Variants in PPARG observed in about 807,000 individuals in gnomAD.
The protein encoded by PPARG is peroxisome proliferator activated receptor gamma, also known as peroxisome proliferator-activated receptor gamma.
PPARG carries 17 observed loss-of-function variants against 39.2 expected under a neutral mutation model. That is an observed-to-expected ratio of 0.43 (90% CI 0.30 to 0.65). The LOEUF is 0.65. Among genes scored for constraint, PPARG ranks in the 30% least tolerant of loss-of-function variants. The pLI, the probability that PPARG is intolerant of heterozygous loss-of-function variation, is 0.13. For missense variants in PPARG, 406 were observed against 585.9 expected (o/e 0.69, Z 3.17); for synonymous variants, 223 against 215.7 (o/e 1.03, Z -0.30).
intron 7 of PPARG, among the ~76,000 whole-genome samples, chr3:12,421,392 G>T (rs1553651430): frequency 6.6e-6 from 1 of 152,210 alleles, no homozygotes; most frequent in Non-Finnish European, 1.5e-5. Context: ...GCAAAGCCAT[G>T]TTTGCAACTG....
At chr3:12,291,853 C>G (rs1236120226) in intron 1 of PPARG, among the ~76,000 whole-genome samples, 1 of 152,198 alleles carries the variant, frequency 6.6e-6, no homozygotes, top group Non-Finnish European at 1.5e-5. Flanking sequence ...CTTATCCTTT[C>G]TCTCAATTTT....
At chr3:12,308,690 C>A (rs1010554667) in intron 1 of PPARG, among the ~76,000 whole-genome samples, 4 of 152,044 alleles carry the variant, frequency 2.6e-5, no homozygotes, top group Non-Finnish European at 4.4e-5. Flanking sequence ...GCTTTTAAAT[C>A]AGTCATGGTG....
In PPARG at chr3:12,406,049, G is replaced by A. The variant is rs2050652162; in HGVS notation, c.697G>A (p.Ala233Thr). The A allele has an allele frequency of 1.2e-6, 2 of 1,614,164 alleles. No individual in the cohort carries two copies. The highest frequency in any genetic ancestry group is 1.1e-5 in the South Asian group (1 of 91,082). ...SFPLTKAKARAILTGKTTDKS... is the reference protein window; with the variant it reads ...SFPLTKAKARTILTGKTTDKS... The stretch of plus-strand genomic sequence containing the variant: ...CCCGCTGACCAAAGCAAAGGCGAGG[G>A]CGATCTTGACAGGAAAGACAACAGA... Residue 233 changes from alanine (A) to threonine (T), a missense_variant, in exon 6 of 8, where the codon GCG becomes ACG. Physicochemically the swap from Ala to Thr is moderately conservative, Grantham distance 58. This residue lies in a region of PPARG where 275 missense variants were observed against 458.0 expected (regional missense o/e 0.60). Coordinates refer to ENST00000651735, the MANE Select transcript of PPARG (RefSeq NM_138711.6).
intron 2 of PPARG, among the ~76,000 whole-genome samples, chr3:12,357,670 A>C (rs1158643325): frequency 1.3e-5 from 2 of 152,188 alleles, no homozygotes; most frequent in Admixed American, 6.5e-5. Context: ...GAAGGCAGAG[A>C]TCTTTGTCTA....
chr3:12,367,614 T>C (rs1347597097), intron 2 of PPARG, among the ~76,000 whole-genome samples: 1 of 151,552 alleles, frequency 6.6e-6, no homozygotes, highest in East Asian at 1.9e-4. Flanking sequence ...TTTGGGAGGC[T>C]GAGGCGGGAG....
intron 6 of PPARG, among the ~76,000 whole-genome samples, chr3:12,411,788 C>A (rs1452241301): frequency 7.3e-6 from 1 of 137,358 alleles, no homozygotes; most frequent in African/African-American, 2.5e-5. Context: ...GGGGCAGAAA[C>A]CAACGAGAGG....
intron 3 of PPARG, 81 bp downstream of exon 3, chr3:12,380,012 TC>T: frequency 8.3e-7 from 1 of 1,198,302 alleles, no homozygotes; most frequent in Non-Finnish European, 1.2e-6. Context: ...TAAATAATGC[TC>T]CAGAGACTAG....
chr3:12,382,852 T>C (rs1366479848), intron 4 of PPARG, among the ~76,000 whole-genome samples: 1 of 151,940 alleles, frequency 6.6e-6, no homozygotes, highest in Non-Finnish European at 1.5e-5. Flanking sequence ...ATGCCTGTAG[T>C]CCTAGCTTCT....
At chr3:12,323,788 A>C (rs1282408390) in intron 2 of PPARG, among the ~76,000 whole-genome samples, 1 of 152,146 alleles carries the variant, frequency 6.6e-6, no homozygotes, top group Non-Finnish European at 1.5e-5. Context: ...GGCCATTAGA[A>C]TGTTCAAGGA....
chr3:12,401,715 G>A (rs894315607), intron 5 of PPARG, among the ~76,000 whole-genome samples: 5 of 151,870 alleles, frequency 3.3e-5, no homozygotes, highest in Admixed American at 1.3e-4. Flanking sequence ...AAATGGGATC[G>A]ATTTTTCATT....
intron 2 of PPARG, among the ~76,000 whole-genome samples, chr3:12,336,842 C>T (rs892478827): frequency 5.9e-5 from 9 of 152,128 alleles, no homozygotes; most frequent in African/African-American, 2.2e-4. Flanking sequence ...TTCTTACAAC[C>T]TCTTCTCAAA....
In PPARG at chr3:12,399,820, CAAAAAA is replaced by C. The variant is rs36025945; in HGVS notation, c.530-6047_530-6042del. 4.9e-3 allele frequency among the ~76,000 whole-genome samples: 504 copies of C among 103,256 alleles called. 2 individuals carry two copies. The highest frequency in any genetic ancestry group is 0.012 in the African/African-American group (326 of 26,492). 67.7% of individuals were successfully genotyped at this position (103,256 alleles called of 152,430 possible). The stretch of plus-strand genomic sequence containing the variant: ...AGTTTTGGCGAGATCCCATGTCTAC[CAAAAAA>C]AAAAAAAAAAAAAATTAGCTGGGCA... On this transcript the variant is annotated intron_variant, in intron 5 of 7. Coordinates refer to ENST00000651735, the MANE Select transcript of PPARG (RefSeq NM_138711.6).
chr3:12,294,580 G>A (rs2046730052), intron 1 of PPARG, among the ~76,000 whole-genome samples: 1 of 152,080 alleles, frequency 6.6e-6, no homozygotes, highest in Admixed American at 6.6e-5. Context: ...TAATCCTTTG[G>A]CAGATCCACA....
intron 2 of PPARG, among the ~76,000 whole-genome samples, chr3:12,339,303 A>G (rs941587936): frequency 1.3e-5 from 2 of 152,186 alleles, no homozygotes; most frequent in Admixed American, 6.5e-5. Flanking sequence ...GTTGTCTGGG[A>G]TTGGGGGTAG....
intron 2 of PPARG, among the ~76,000 whole-genome samples, chr3:12,337,417 T>C (rs1575014725): frequency 6.6e-6 from 1 of 152,182 alleles, no homozygotes; most frequent in African/African-American, 2.4e-5. Context: ...GTGGGCAGAG[T>C]ATAGCAATAA....
chr3:12,362,751 G>A (rs565870126), intron 2 of PPARG, among the ~76,000 whole-genome samples: 1 of 151,964 alleles, frequency 6.6e-6, no homozygotes, highest in African/African-American at 2.4e-5. Flanking sequence ...CAAGAGGAAG[G>A]CTTTAAATAT....
At chr3:12,430,169 T>C (rs770519727) in intron 7 of PPARG, among the ~76,000 whole-genome samples, 1 of 151,756 alleles carries the variant, frequency 6.6e-6, no homozygotes, top group South Asian at 2.1e-4. Flanking sequence ...TAGAGTTTAT[T>C]AGACACAGGA....
intron 2 of PPARG, among the ~76,000 whole-genome samples, chr3:12,318,248 T>A (rs183718801): frequency 7.4e-4 from 112 of 152,236 alleles, no homozygotes; most frequent in Admixed American, 4.0e-3. Flanking sequence ...GGTGTTTTTT[T>A]AAAAAACCCA....
At chr3:12,430,337 G>T (rs1162931853) in intron 7 of PPARG, among the ~76,000 whole-genome samples, 1 of 152,196 alleles carries the variant, frequency 6.6e-6, no homozygotes, top group Non-Finnish European at 1.5e-5. Flanking sequence ...TTCCACTGGT[G>T]GTTCAGAACG....
Sources: allele counts gnomAD v4.1 joint callset (sites outside exome capture counted in the v4.1 genomes callset), GRCh38; gene constraint gnomAD v4.1.1; regional missense constraint gnomAD v4.1.1; transcripts MANE v1.5; gene names NCBI Gene and HGNC (gene_info 2026-07-23, HGNC 2026-07-21).